The following PTPRD variants were observed in gnomAD, a reference collection of about 807,000 sequenced individuals.
PTPRD encodes receptor-type tyrosine-protein phosphatase delta.
PTPRD carries 34 observed loss-of-function variants against 214.5 expected under a neutral mutation model. The observed-to-expected ratio is 0.16, with a 90% CI of 0.12 to 0.21. The LOEUF is 0.21. Ranked by LOEUF, PTPRD falls within the 10% of genes least tolerant of loss-of-function variation. The probability of loss-of-function intolerance (pLI) is 1.00; values close to 1 mark genes in which losing one functional copy is unlikely to be tolerated. For synonymous variants in PTPRD, 1,128 were observed against 845.7 expected (o/e 1.33, Z -5.79); for missense variants, 2,545 against 2,398.7 (o/e 1.06, Z -1.27).
At chr9:8,766,893 C>T (rs745927867) in intron 11 of PTPRD, among the ~76,000 whole-genome samples, 2 of 152,030 alleles carry the variant, frequency 1.3e-5, no homozygotes, top group African/African-American at 4.8e-5. Flanking sequence ...ATCAATTAGC[C>T]GATGGTGAAA....
intron 7 of PTPRD, among the ~76,000 whole-genome samples, chr9:9,660,940 C>G (rs902838598): frequency 2.0e-5 from 3 of 151,902 alleles, no homozygotes; most frequent in Non-Finnish European, 4.4e-5. Flanking sequence ...CAGTGACTTT[C>G]AATAACCAGA....
chr9:8,679,522 A>G (rs1219731800), intron 12 of PTPRD, among the ~76,000 whole-genome samples: 1 of 152,242 alleles, frequency 6.6e-6, no homozygotes, highest in Non-Finnish European at 1.5e-5. Flanking sequence ...ATGCACTGTC[A>G]GACAGCATAG....
chr9:8,751,572 A>C (rs973534541), intron 11 of PTPRD, among the ~76,000 whole-genome samples: 6 of 152,172 alleles, frequency 3.9e-5, no homozygotes, highest in Non-Finnish European at 7.4e-5. Context: ...CAATAATTCA[A>C]ACATTCTTTC....
In PTPRD at chr9:9,287,935, A is replaced by G. The variant is rs1447681549; in HGVS notation, c.-202-104572T>C. Among the ~76,000 whole-genome samples, 3 of 150,606 alleles carry G rather than the reference A, an allele frequency of 2.0e-5. 1 individual carries two copies. ...TTGAAAGCATGACTTTTTTTTTTTC[A>G]ATTTTAATTTTCCCCATCTGCTTTC... is the stretch of plus-strand genomic sequence containing the variant. On this transcript the variant is annotated intron_variant, in intron 9 of 45. Transcript: ENST00000381196.
At chr9:9,790,174 T>A (rs2098957431) in intron 5 of PTPRD, among the ~76,000 whole-genome samples, 2 of 152,282 alleles carry the variant, frequency 1.3e-5, no homozygotes, top group Non-Finnish European at 2.9e-5. Flanking sequence ...TGTACCCAAG[T>A]CTCGAGTTTC....
intron 32 of PTPRD, among the ~76,000 whole-genome samples, chr9:8,461,471 T>A (rs1353462063): frequency 6.6e-6 from 1 of 151,966 alleles, no homozygotes. Context: ...GAAAACATCT[T>A]CTTGGCTCTA....
intron 2 of PTPRD, among the ~76,000 whole-genome samples, chr9:10,597,080 T>C (rs1319671666): frequency 6.6e-6 from 1 of 151,158 alleles, no homozygotes; most frequent in Non-Finnish European, 1.5e-5. Context: ...CATATATATA[T>C]ATATTTCACA....
rs558280731 is a variant in PTPRD, at chr9:9,026,382, C to A, written c.-142-7647G>T. ...TTAGATTATGTAAGGCTTTGTAAGT[C>A]ATGGTAAGTTGACCATAGTAAGGTA... On this transcript the variant is annotated intron_variant, in intron 10 of 45. Transcript: ENST00000381196. 4.6e-5 allele frequency among the ~76,000 whole-genome samples: 7 copies of A among 151,966 alleles called. No homozygotes were observed. In the South Asian group the frequency reaches 1.2e-3, roughly 27 times the overall value.
At chr9:10,439,402 A>G (rs1367034459) in intron 2 of PTPRD, among the ~76,000 whole-genome samples, 1 of 151,814 alleles carries the variant, frequency 6.6e-6, no homozygotes, top group Admixed American at 6.6e-5. Flanking sequence ...ACTTCTATTA[A>G]ATTAAATTGT....
intron 4 of PTPRD, among the ~76,000 whole-genome samples, chr9:9,955,875 C>G (rs966493968): frequency 1.3e-5 from 2 of 152,040 alleles, no homozygotes; most frequent in South Asian, 4.2e-4. Context: ...AAAGATTTTC[C>G]AAAACTTAAT....
chr9:9,241,116 G>T (rs1409818633), intron 9 of PTPRD, among the ~76,000 whole-genome samples: 2 of 152,036 alleles, frequency 1.3e-5, no homozygotes, highest in East Asian at 1.9e-4. Flanking sequence ...TTAATTCGTG[G>T]GTCTAAATGA....
rs7863978 is a variant in PTPRD at position 8,317,236 on chromosome 9, C to A, written c.*638G>T. ...CAGTTCTACAGCTTAAAAAAACCTA[C>A]GATTTGGAAATAAAAAAATGAAGAG... On this transcript the variant is annotated 3_prime_UTR_variant, in exon 46 of 46. Coordinates refer to ENST00000381196, the MANE Select transcript of PTPRD (RefSeq NM_002839.4). The A allele has an allele frequency of 4.3e-6, 1 of 231,342 alleles. No homozygotes were observed. Among genetic ancestry groups the A allele is most frequent in the South Asian group, 1.8e-4 (1 of 5,500 alleles). The allele number at this position is 231,342 out of a possible 1,614,324, so 14.3% of individuals were successfully genotyped here.
intron 23 of PTPRD, among the ~76,000 whole-genome samples, chr9:8,501,613 C>A (rs1469233739): frequency 6.6e-6 from 1 of 152,122 alleles, no homozygotes; most frequent in Non-Finnish European, 1.5e-5. Flanking sequence ...AATAAATAAA[C>A]AACAAACATA....
intron 11 of PTPRD, among the ~76,000 whole-genome samples, chr9:8,836,535 A>G (rs549206733): frequency 6.6e-6 from 1 of 151,268 alleles, no homozygotes; most frequent in South Asian, 2.1e-4. Context: ...GACCTTTGAT[A>G]CACATTTTTT....
chr9:9,191,164 A>T (rs2099934899), intron 9 of PTPRD, among the ~76,000 whole-genome samples: 1 of 152,086 alleles, frequency 6.6e-6, no homozygotes, highest in Non-Finnish European at 1.5e-5. Context: ...TGTCTCTTGG[A>T]GCCTTTGGTC....
intron 2 of PTPRD, among the ~76,000 whole-genome samples, chr9:10,428,632 T>G (rs1588002874): frequency 6.6e-6 from 1 of 152,094 alleles, no homozygotes; most frequent in Admixed American, 6.6e-5. Context: ...GGATGTTATT[T>G]TTAATAAACT....
intron 11 of PTPRD, among the ~76,000 whole-genome samples, chr9:8,872,354 CTG>C (rs2098315368): frequency 6.6e-6 from 1 of 152,180 alleles, no homozygotes; most frequent in Non-Finnish European, 1.5e-5. Context: ...CAAAAAGGCT[CTG>C]TCTTCAGAAA....
intron 3 of PTPRD, among the ~76,000 whole-genome samples, chr9:10,330,325 T>C (rs2096725841): frequency 6.6e-6 from 1 of 151,640 alleles, no homozygotes; most frequent in South Asian, 2.1e-4. Flanking sequence ...ATACAAAGAG[T>C]AGCAGTAACA....
chr9:10,070,635 T>A (rs919923183), intron 3 of PTPRD, among the ~76,000 whole-genome samples: 7 of 152,168 alleles, frequency 4.6e-5, no homozygotes, highest in African/African-American at 1.4e-4. Context: ...TTTGATTACA[T>A]TTTAATTAAT....
Sources: allele counts gnomAD v4.1 joint callset (sites outside exome capture counted in the v4.1 genomes callset), GRCh38; gene constraint gnomAD v4.1.1; transcripts MANE v1.5; gene names NCBI Gene and HGNC (gene_info 2026-07-23, HGNC 2026-07-21).